STXBP5L: variants seen among roughly 807,000 people sequenced by gnomAD.
STXBP5L encodes the protein syntaxin binding protein 5L.
Under a neutral mutation model 144.5 loss-of-function variants are expected in STXBP5L, and 65 were observed. The observed-to-expected ratio is 0.45, with a 90% CI of 0.37 to 0.55. The LOEUF is 0.55. Among genes scored for constraint, STXBP5L ranks in the 20% least tolerant of loss-of-function variants. The probability of loss-of-function intolerance (pLI) is 0.00; values close to 1 mark genes in which losing one functional copy is unlikely to be tolerated. For synonymous variants in STXBP5L, 505 were observed against 469.6 expected (o/e 1.08, Z -0.97); for missense variants, 1,298 against 1,405.5 (o/e 0.92, Z 1.22).
At position 121,337,063 on chromosome 3, in the gene STXBP5L, A is replaced by C. The variant is rs147461270; in HGVS notation, c.2176+18523A>C. The stretch of plus-strand genomic sequence containing the variant: ...GGAGCTAAATGATGAGAACACGTGG[A>C]CACAGAGGAAAACAGACACTGGGGT... On this transcript the variant is annotated intron_variant, in intron 20 of 26. Transcript: ENST00000471454. Among the ~76,000 whole-genome samples the C allele has an allele frequency of 4.5e-3, 690 of 152,262 alleles. 4 individuals are homozygous for C. The highest frequency in any genetic ancestry group is 0.016 in the African/African-American group (658 of 41,540).
chr3:121,055,782 C>T (rs1400227459), intron 5 of STXBP5L, among the ~76,000 whole-genome samples: 1 of 152,034 alleles, frequency 6.6e-6, no homozygotes, highest in Non-Finnish European at 1.5e-5. Flanking sequence ...CTCACACAAC[C>T]TTGAATTCCT....
chr3:121,256,657 T>C (rs1194818352), intron 16 of STXBP5L, among the ~76,000 whole-genome samples: 1 of 151,968 alleles, frequency 6.6e-6, no homozygotes, highest in Non-Finnish European at 1.5e-5. Context: ...AATGAAAGTT[T>C]TTTATACTAA....
intron 3 of STXBP5L, among the ~76,000 whole-genome samples, chr3:121,008,272 C>T (rs902038033): frequency 6.6e-6 from 1 of 151,988 alleles, no homozygotes; most frequent in Admixed American, 6.6e-5. Flanking sequence ...AGTATAATAA[C>T]TCATTCCTTT....
rs561338207 is a variant in STXBP5L, at chr3:121,417,378, T to TA, written c.3227-951dup. On this transcript the variant is annotated intron_variant, in intron 25 of 26. Coordinates refer to ENST00000471454, the MANE Select transcript of STXBP5L (RefSeq NM_001308330.2). ...AATTAGATTCCATCCACTCTTATTT[T>TA]AAAAAAAATCTAGAATCCATTCCAA... is the stretch of plus-strand genomic sequence containing the variant. 2.0e-3 allele frequency among the ~76,000 whole-genome samples: 310 copies of TA among 152,056 alleles called. 3 individuals are homozygous for TA. Among genetic ancestry groups the TA allele is most frequent in the African/African-American group, 5.3e-3 (219 of 41,514 alleles).
intron 3 of STXBP5L, among the ~76,000 whole-genome samples, chr3:121,003,824 T>C (rs1046744199): frequency 3.3e-5 from 5 of 152,158 alleles, no homozygotes; most frequent in Non-Finnish European, 7.3e-5. Context: ...TTTCCCCATT[T>C]CTTGTTTTTG....
intron 3 of STXBP5L, among the ~76,000 whole-genome samples, chr3:120,996,640 C>T (rs1269424661): frequency 6.6e-6 from 1 of 152,088 alleles, no homozygotes; most frequent in Admixed American, 6.6e-5. Context: ...GCACTGGTAG[C>T]CACCATTTTA....
intron 3 of STXBP5L, among the ~76,000 whole-genome samples, chr3:121,006,442 G>T (rs1944313654): frequency 1.3e-5 from 2 of 152,050 alleles, no homozygotes; most frequent in African/African-American, 4.8e-5. Flanking sequence ...GAGCCTATGT[G>T]TGTCCCTGCA....
intron 7 of STXBP5L, among the ~76,000 whole-genome samples, chr3:121,138,763 T>A (rs1437725050): frequency 6.6e-6 from 1 of 151,996 alleles, no homozygotes; most frequent in East Asian, 1.9e-4. Context: ...TTAAAATAGA[T>A]TAAATAATTA....
intron 24 of STXBP5L, among the ~76,000 whole-genome samples, chr3:121,415,556 T>C (rs796423664): frequency 1.3e-5 from 2 of 151,988 alleles, no homozygotes; most frequent in South Asian, 4.1e-4. Flanking sequence ...AGAAGTCTAG[T>C]GGTAATTATT....
chr3:120,974,868 T>A (rs1415410972), intron 3 of STXBP5L, among the ~76,000 whole-genome samples: 1 of 152,170 alleles, frequency 6.6e-6, no homozygotes, highest in Non-Finnish European at 1.5e-5. Flanking sequence ...TGCGGTGTTA[T>A]TTCTGAGGGC....
chr3:121,419,347 G>A lies in STXBP5L; in HGVS notation c.*250G>A. ...TGGAATGGAGCTATCATCTTGGCATGTCATTCGATAAGGATTTATATTTAG... is the reference window on the plus strand; with the variant it reads ...TGGAATGGAGCTATCATCTTGGCATATCATTCGATAAGGATTTATATTTAG... On this transcript the variant is annotated 3_prime_UTR_variant, in exon 27 of 27. Transcript: ENST00000471454. The A allele has an allele frequency of 2.7e-6, 1 of 374,118 alleles. No individual in the cohort carries two copies. Among genetic ancestry groups the A allele is most frequent in the Non-Finnish European group, 4.7e-6 (1 of 210,824 alleles). 23.2% of individuals were successfully genotyped at this position (374,118 alleles called of 1,614,324 possible). A position where few individuals can be genotyped will look rare whatever the true frequency, so the allele number is the denominator to read the frequency against.
intron 3 of STXBP5L, among the ~76,000 whole-genome samples, chr3:121,031,605 C>T (rs9875544): frequency 0.099 from 15,084 of 151,876 alleles, 1,179 homozygotes; most frequent in Admixed American, 0.2. Flanking sequence ...AACAGAAGGC[C>T]AATCCATATT....
intron 20 of STXBP5L, among the ~76,000 whole-genome samples, chr3:121,326,424 G>A (rs1301934558): frequency 6.6e-6 from 1 of 152,008 alleles, no homozygotes; most frequent in African/African-American, 2.4e-5. Context: ...TTAGGGAAAG[G>A]TAGAGACAAA....
intron 9 of STXBP5L, among the ~76,000 whole-genome samples, chr3:121,175,028 C>T (rs2046878613): frequency 6.6e-6 from 1 of 152,066 alleles, no homozygotes; most frequent in Non-Finnish European, 1.5e-5. Flanking sequence ...GAGAGAAACA[C>T]TTTTGAAGTT....
At chr3:121,288,174 C>A (rs1324580945) in intron 19 of STXBP5L, among the ~76,000 whole-genome samples, 1 of 152,140 alleles carries the variant, frequency 6.6e-6, no homozygotes, top group African/African-American at 2.4e-5. Context: ...TGATTTCATT[C>A]TTTTTTATGG....
chr3:121,012,543 T>A (rs549805308), intron 3 of STXBP5L, among the ~76,000 whole-genome samples: 1 of 151,954 alleles, frequency 6.6e-6, no homozygotes, highest in South Asian at 2.1e-4. Context: ...AGAGTGGTAT[T>A]TCATGGTGGT....
chr3:121,307,316 T>C (rs928870258), intron 19 of STXBP5L, among the ~76,000 whole-genome samples: 11 of 151,926 alleles, frequency 7.2e-5, no homozygotes, highest in African/African-American at 1.2e-4. Flanking sequence ...GCAACAAAAA[T>C]TTCCTGTGAG....
chr3:121,393,204 G>A (rs960203676), intron 22 of STXBP5L, among the ~76,000 whole-genome samples: 6 of 128,524 alleles, frequency 4.7e-5, no homozygotes, highest in South Asian at 2.4e-4. Context: ...TTTTTTTTTC[G>A]TTTCTTGGCC....
At chr3:121,008,211 A>T (rs1190552081) in intron 3 of STXBP5L, among the ~76,000 whole-genome samples, 2 of 151,930 alleles carry the variant, frequency 1.3e-5, no homozygotes, top group Non-Finnish European at 1.5e-5. Flanking sequence ...CTCCTGGACC[A>T]CTTTTAGTAG....
Sources: allele counts gnomAD v4.1 joint callset (sites outside exome capture counted in the v4.1 genomes callset), GRCh38; gene constraint gnomAD v4.1.1; transcripts MANE v1.5; gene names NCBI Gene and HGNC (gene_info 2026-07-23, HGNC 2026-07-21).